The following TBKBP1 variants were observed in gnomAD, a reference collection of about 807,000 sequenced individuals.
TBKBP1 encodes TBK1 binding protein 1.
A neutral mutation model predicts 69.9 loss-of-function variants in TBKBP1; 47 were observed. The observed-to-expected ratio is 0.67, with a 90% confidence interval of 0.53 to 0.86. The LOEUF is 0.86. Ranked by LOEUF, TBKBP1 falls within the 40% of genes least tolerant of loss-of-function variation. TBKBP1 has a pLI of 0.00. For missense variants in TBKBP1, 831 were observed against 858.6 expected (o/e 0.97, Z 0.40); for synonymous variants, 418 against 390.3 (o/e 1.07, Z -0.84).
intron 7 of TBKBP1, among the ~76,000 whole-genome samples, chr17:47,702,962 C>T (rs1264003821): frequency 4.8e-4 from 27 of 55,962 alleles, no homozygotes; most frequent in African/African-American, 1.7e-3. Context: ...AGGGTATGGC[C>T]GTGCTGAGGG....
intron 5 of TBKBP1, 92 bp from the exon 6 acceptor site, chr17:47,699,228 G>T: frequency 1.5e-6 from 2 of 1,339,076 alleles, no homozygotes; most frequent in Non-Finnish European, 9.7e-7. Flanking sequence ...TTCTCTCTTG[G>T]AGTCCCCATG....
chr17:47,703,886 G>A (rs1023606498), intron 7 of TBKBP1, among the ~76,000 whole-genome samples: 2 of 152,174 alleles, frequency 1.3e-5, no homozygotes, highest in African/African-American at 4.8e-5. Flanking sequence ...TAATCTGAGA[G>A]TTCAGTAAGA....
intron 7 of TBKBP1, among the ~76,000 whole-genome samples, chr17:47,705,834 C>T (rs1165913200): frequency 1.3e-5 from 2 of 152,214 alleles, no homozygotes; most frequent in Admixed American, 1.3e-4. Context: ...AGTCAATCAC[C>T]TTGCCGGGGA....
chr17:47,700,606 G>A (rs12453025), intron 7 of TBKBP1, among the ~76,000 whole-genome samples: 1 of 152,088 alleles, frequency 6.6e-6, no homozygotes, highest in Non-Finnish European at 1.5e-5. Flanking sequence ...TAGTGAGGAA[G>A]AGGGAGGTGG....
At position 47,711,542 on chromosome 17, in the gene TBKBP1, C is replaced by T. The variant is rs1276283141; in HGVS notation, c.*916C>T. The T allele has an allele frequency of 6.6e-6, 1 of 152,626 alleles. No individual in the cohort carries two copies. Among genetic ancestry groups the T allele is most frequent in the Non-Finnish European group, 1.5e-5 (1 of 68,072 alleles). 9.5% of individuals were successfully genotyped at this position (152,626 alleles called of 1,614,324 possible). A position where few individuals can be genotyped will look rare whatever the true frequency, so the allele number is the denominator to read the frequency against. ...GTGTCATCAGCCCCTGCCTCCCAGG[C>T]CAGAACCTGAGAACGGGCCCAGGGT... On this transcript the variant is annotated 3_prime_UTR_variant, in exon 10 of 10. Coordinates refer to ENST00000578982, the MANE Select transcript of TBKBP1 (RefSeq NM_001394755.1).
At chr17:47,709,477 C>A (rs753775620) in intron 9 of TBKBP1, 25 bp downstream of exon 9, 2 of 1,480,400 alleles carry the variant, frequency 1.4e-6, no homozygotes, top group East Asian at 2.6e-5. Context: ...CGCGTTCCGC[C>A]CACCCCGGAC....
At chr17:47,698,822 T>C in intron 5 of TBKBP1, 47 bp downstream of exon 5, 1 of 1,472,202 alleles carries the variant, frequency 6.8e-7, no homozygotes, top group East Asian at 2.4e-5. Flanking sequence ...CCAACCCCCA[T>C]TTCAACATTC....
intron 7 of TBKBP1, among the ~76,000 whole-genome samples, chr17:47,707,494 TTC>T (rs1189457686): frequency 6.6e-6 from 1 of 152,228 alleles, no homozygotes; most frequent in Non-Finnish European, 1.5e-5. Flanking sequence ...ATCTGCTGGG[TTC>T]CAGGCCCTGG....
intron 3 of TBKBP1, 27 bp downstream of exon 3, chr17:47,696,860 C>A (rs756602521): frequency 1.2e-6 from 2 of 1,611,004 alleles, no homozygotes; most frequent in African/African-American, 1.3e-5. Context: ...GGGCGCACCC[C>A]CTGAGCATCT....
Position 47,710,556 on chromosome 17 carries a change from T to C in TBKBP1, c.1778T>C (p.Phe593Ser). ...AGCTGCCCCCTCTGCCAGCTGGGTT[T>C]CCCTGTCGGGTACCCGGATGATGCC... is the stretch of plus-strand genomic sequence containing the variant. ...IRSCPLCQLG[F>S]PVGYPDDALI... The change falls in exon 10 of 10, where the codon TTC becomes TCC. Residue 593 changes from phenylalanine (F) to serine (S), a missense_variant. Physicochemically the swap from Phe to Ser is radical, Grantham distance 155. Coordinates refer to ENST00000578982, the MANE Select transcript of TBKBP1 (RefSeq NM_001394755.1). The C allele has an allele frequency of 6.2e-7, 1 of 1,612,584 alleles. No individual in the cohort carries two copies. Among genetic ancestry groups the C allele is most frequent in the Non-Finnish European group, 8.5e-7 (1 of 1,179,120 alleles).
Position 47,708,716 on chromosome 17 carries a change from C to A in TBKBP1, c.992-9C>A. On this transcript the variant is annotated splice_polypyrimidine_tract_variant and intron_variant, in intron 8 of 9. Transcript: ENST00000578982. This position sits in a 1 kb window ranked among gnomAD's most constrained non-coding sequence, Gnocchi z 4.4. ...TTGTCCCCCCACCCCGTCCCGGTTT[C>A]TCTTCCAGGCCAGAGGCACTCGCCG... The A allele has an allele frequency of 1.4e-6, 2 of 1,480,162 alleles. No homozygotes were observed. The highest frequency in any genetic ancestry group is 1.8e-6 in the Non-Finnish European group (2 of 1,120,922). 91.7% of individuals were successfully genotyped at this position (1,480,162 alleles called of 1,614,324 possible).
chr17:47,701,504 T>G (rs774484743), intron 7 of TBKBP1, among the ~76,000 whole-genome samples: 5 of 152,128 alleles, frequency 3.3e-5, no homozygotes, highest in Non-Finnish European at 7.4e-5. Context: ...CCTGAATTGG[T>G]AGAACTCCAA....
chr17:47,699,155 G>T (rs2031382682), intron 5 of TBKBP1, among the ~76,000 whole-genome samples, 165 bp from the exon 6 acceptor site: 1 of 152,170 alleles, frequency 6.6e-6, no homozygotes, highest in African/African-American at 2.4e-5. Flanking sequence ...TAGAAATGCG[G>T]CTCAGCCCAT....
At chr17:47,707,000 G>C (rs1342930265) in intron 7 of TBKBP1, among the ~76,000 whole-genome samples, 1 of 152,182 alleles carries the variant, frequency 6.6e-6, no homozygotes, top group Non-Finnish European at 1.5e-5. Flanking sequence ...TTAAGAACTT[G>C]AGCCCCCTTG....
At chr17:47,710,392 C>T in intron 9 of TBKBP1, 106 bp from the exon 10 acceptor site, 1 of 1,468,772 alleles carries the variant, frequency 6.8e-7, no homozygotes, top group Non-Finnish European at 9.2e-7. Flanking sequence ...ACCCCTCCTG[C>T]ATGCCACAGC....
At chr17:47,704,876 C>T (rs1374740703) in intron 7 of TBKBP1, among the ~76,000 whole-genome samples, 2 of 152,204 alleles carry the variant, frequency 1.3e-5, no homozygotes, top group Non-Finnish European at 2.9e-5. Flanking sequence ...ATATTTGCAG[C>T]CCAGGGGGCC....
chr17:47,694,761 G>C (rs983582082), intron 1 of TBKBP1: 3 of 152,274 alleles, frequency 2.0e-5, no homozygotes, highest in Non-Finnish European at 4.4e-5. Context: ...CGGAGCTGGG[G>C]GGAGGGGATG....
chr17:47,699,241 G>T, intron 5 of TBKBP1, 79 bp from the exon 6 acceptor site: 4 of 1,392,946 alleles, frequency 2.9e-6, no homozygotes, highest in Non-Finnish European at 3.7e-6. Flanking sequence ...TCCCCATGCT[G>T]CATCCTCCTG....
At position 47,708,955 on chromosome 17, in the gene TBKBP1, T is replaced by G; in HGVS notation, c.1222T>G (p.Ser408Ala). Residue 408 changes from serine (S) to alanine (A), a missense_variant, in exon 9 of 10, where the codon TCC (serine) becomes GCC (alanine). Transcript: ENST00000578982. This position sits in a 1 kb window ranked among gnomAD's most constrained non-coding sequence, Gnocchi z 4.4. ...CTCGCCGGTGCCGCCGTCGTGCCAG[T>G]CCCCCAGCCCGCAGCGCCGTTCCCC... ...RRSPVPPSCQ[S>A]PSPQRRSPVP... The G allele has an allele frequency of 8.3e-7, 1 of 1,210,976 alleles. No individual in the cohort carries two copies. The highest frequency in any genetic ancestry group is 1.0e-6 in the Non-Finnish European group (1 of 968,342). 75.0% of individuals were successfully genotyped at this position (1,210,976 alleles called of 1,614,324 possible).
Sources: gnomAD v4.1 joint callset for allele counts (sites outside exome capture counted in the v4.1 genomes callset) on GRCh38, gnomAD v4.1.1 for gene constraint, Gnocchi (gnomAD v3.1) non-coding constraint, MANE v1.5 for transcripts, NCBI Gene and HGNC (gene_info 2026-07-23, HGNC 2026-07-21) for gene names.